Variants in NEMP2 observed in about 807,000 individuals in gnomAD.
NEMP2 encodes UPF0571 transmembrane protein.
In NEMP2, 53 loss-of-function variants were observed where a neutral mutation model predicts 54.2. That is an observed-to-expected ratio of 0.98 (90% CI 0.78 to 1.23). The LOEUF (loss-of-function observed/expected upper bound fraction) is 1.23. Among genes scored for constraint, NEMP2 ranks in the 50% most tolerant of loss-of-function variants. NEMP2 has a pLI of 0.00. For missense variants in NEMP2, 455 were observed against 511.3 expected (o/e 0.89, Z 1.06); for synonymous variants, 197 against 190.3 (o/e 1.04, Z -0.29).
the NEMP2 span, among the ~76,000 whole-genome samples, chr2:190,644,756 T>G: frequency 6.6e-6 from 1 of 151,028 alleles, no homozygotes; most frequent in Non-Finnish European, 1.5e-5. The surrounding 1 kb of genome is among the most constrained non-coding windows in gnomAD (Gnocchi z 4.4). Flanking sequence ...GGGTGAGGGG[T>G]GGGAGGACGG....
chr2:190,643,034 T>TTG, the NEMP2 span, among the ~76,000 whole-genome samples: 1 of 150,094 alleles, frequency 6.7e-6, no homozygotes, highest in Non-Finnish European at 1.5e-5. Flanking sequence ...TTTTTTTTTT[T>TTG]TTTTTTTTTT....
At chr2:190,470,230 GA>G in the NEMP2 span, among the ~76,000 whole-genome samples, 2 of 152,212 alleles carry the variant, frequency 1.3e-5, no homozygotes, top group East Asian at 1.9e-4. Flanking sequence ...TATAGTTACT[GA>G]AAAAAAGATT....
chr2:190,605,628 T>G, the NEMP2 span, among the ~76,000 whole-genome samples: 1 of 152,184 alleles, frequency 6.6e-6, no homozygotes, highest in Non-Finnish European at 1.5e-5. Context: ...CTGCCTGCCT[T>G]GGCCTCCCAA....
the NEMP2 span, among the ~76,000 whole-genome samples, chr2:190,627,073 T>C: frequency 2.6e-5 from 4 of 152,234 alleles, no homozygotes; most frequent in Admixed American, 2.6e-4. The surrounding 1 kb of genome is among the most constrained non-coding windows in gnomAD (Gnocchi z 4.4). Context: ...AAGGCCCCAT[T>C]CAACTATTTA....
chr2:190,440,779 A>G, the NEMP2 span, among the ~76,000 whole-genome samples: 11 of 152,210 alleles, frequency 7.2e-5, no homozygotes, highest in African/African-American at 2.7e-4. Context: ...TACATTACCT[A>G]TTATTAGCCA....
intron 3 of NEMP2, 59 bp downstream of exon 3, chr2:190,518,893 G>A (rs1035260278): frequency 5.1e-5 from 77 of 1,514,564 alleles, no homozygotes; most frequent in Middle Eastern, 1.7e-4. Flanking sequence ...TCAATTTATT[G>A]AAAAGTTACT....
the NEMP2 span, among the ~76,000 whole-genome samples, chr2:190,486,308 C>T: frequency 2.0e-5 from 3 of 152,220 alleles, no homozygotes; most frequent in Non-Finnish European, 4.4e-5. Flanking sequence ...TTCATTCCCT[C>T]ACTCTGAATA....
At chr2:190,633,760 T>C in the NEMP2 span, among the ~76,000 whole-genome samples, 1 of 152,226 alleles carries the variant, frequency 6.6e-6, no homozygotes, top group Admixed American at 6.5e-5. Flanking sequence ...AGTCAAATTC[T>C]TTAACTTTAT....
At chr2:190,545,856 T>G in the NEMP2 span, among the ~76,000 whole-genome samples, 2 of 152,196 alleles carry the variant, frequency 1.3e-5, no homozygotes, top group Non-Finnish European at 2.9e-5. Flanking sequence ...TGTCTCTTTG[T>G]ACTCCGTATC....
At chr2:190,622,626 G>C in the NEMP2 span, among the ~76,000 whole-genome samples, 1 of 152,050 alleles carries the variant, frequency 6.6e-6, no homozygotes, top group Non-Finnish European at 1.5e-5. Flanking sequence ...TCTTAGATAT[G>C]ACACCAAAGC....
At chr2:190,557,801 A>C in the NEMP2 span, among the ~76,000 whole-genome samples, 3 of 152,210 alleles carry the variant, frequency 2.0e-5, no homozygotes, top group Non-Finnish European at 2.9e-5. Flanking sequence ...TAGAATGGCA[A>C]TCATTAAAAA....
upstream of NEMP2, among the ~76,000 whole-genome samples, chr2:190,537,291 T>C (rs573274781): frequency 3.9e-4 from 60 of 152,334 alleles, no homozygotes; most frequent in Non-Finnish European, 7.2e-4. Context: ...TAGGTCGATA[T>C]GGTTTGGCTG....
chr2:190,516,503 T>C (rs1284066411), intron 5 of NEMP2, 119 bp from the exon 6 acceptor site: 2 of 708,574 alleles, frequency 2.8e-6, no homozygotes, highest in Non-Finnish European at 4.6e-6. Flanking sequence ...TTGAAGTCAA[T>C]TTAAGAAACT....
the NEMP2 span, among the ~76,000 whole-genome samples, chr2:190,440,361 C>T: frequency 6.6e-6 from 1 of 152,140 alleles, no homozygotes; most frequent in African/African-American, 2.4e-5. Context: ...GGATTTTGTC[C>T]TTCTCTGGAA....
At chr2:190,579,406 A>G in the NEMP2 span, among the ~76,000 whole-genome samples, 4 of 152,012 alleles carry the variant, frequency 2.6e-5, no homozygotes, top group African/African-American at 9.7e-5. Context: ...ATTCAAGTGG[A>G]GCGAAGATGA....
At position 190,508,463 on chromosome 2, in the gene NEMP2, A is replaced by G. The variant is rs2125299995; in HGVS notation, c.*726T>C. The G allele has an allele frequency of 6.6e-6, 1 of 152,284 alleles. No individual in the cohort carries two copies. The highest frequency in any genetic ancestry group is 1.5e-5 in the Non-Finnish European group (1 of 68,042). The allele number at this position is 152,284 out of a possible 1,614,324, so 9.4% of individuals were successfully genotyped here. A position where few individuals can be genotyped will look rare whatever the true frequency, so the allele number is the denominator to read the frequency against. On this transcript the variant is annotated 3_prime_UTR_variant, in exon 9 of 9. Coordinates refer to ENST00000409150, the MANE Select transcript of NEMP2 (RefSeq NM_001142645.2). This position sits in a 1 kb window ranked among gnomAD's most constrained non-coding sequence, Gnocchi z 4.3. ...CTGCATCTCAGTGTGGTCTTGCACAAGTTATTTAACCTCTCATGAGCTCAG... is the reference window on the plus strand; with the variant it reads ...CTGCATCTCAGTGTGGTCTTGCACAGGTTATTTAACCTCTCATGAGCTCAG...
chr2:190,598,060 G>T, the NEMP2 span, among the ~76,000 whole-genome samples: 1 of 152,124 alleles, frequency 6.6e-6, no homozygotes, highest in Non-Finnish European at 1.5e-5. Flanking sequence ...GCCATCCTGT[G>T]TATTGTAGGA....
the NEMP2 span, chr2:190,497,929 T>G: frequency 2.2e-6 from 1 of 464,468 alleles, no homozygotes; most frequent in Admixed American, 3.8e-5. This position sits in a 1 kb window ranked among gnomAD's most constrained non-coding sequence, Gnocchi z 5.2. Context: ...CCTTATGGAG[T>G]TCAGGAAAAC....
chr2:190,583,187 G>A, the NEMP2 span, among the ~76,000 whole-genome samples: 1 of 151,654 alleles, frequency 6.6e-6, no homozygotes, highest in Non-Finnish European at 1.5e-5. Context: ...AACTTGATGG[G>A]CAGAAGGAGA....
Sources: allele counts gnomAD v4.1 joint callset (sites outside exome capture counted in the v4.1 genomes callset), GRCh38; gene constraint gnomAD v4.1.1; non-coding constraint Gnocchi (gnomAD v3.1); transcripts MANE v1.5; gene names NCBI Gene and HGNC (gene_info 2026-07-23, HGNC 2026-07-21).